Variants in CELSR2 observed in about 807,000 individuals in gnomAD.
The protein encoded by CELSR2 is cadherin EGF LAG seven-pass G-type receptor 2.
Under a neutral mutation model 251.6 loss-of-function variants are expected in CELSR2, and 81 were observed. The observed-to-expected ratio is 0.32, with a 90% CI of 0.27 to 0.39. CELSR2 has a LOEUF of 0.39. CELSR2 is among the 10% of genes least tolerant of loss of function. The probability of loss-of-function intolerance (pLI) is 1.00; values close to 1 mark genes in which losing one functional copy is unlikely to be tolerated. For synonymous variants in CELSR2, 1,721 were observed against 1,670.5 expected (o/e 1.03, Z -0.74); for missense variants, 3,365 against 3,947.7 (o/e 0.85, Z 3.96).
At chr1:109,264,789 G>A in intron 11 of CELSR2, 79 bp from the exon 12 acceptor site, 4 of 1,607,604 alleles carry the variant, frequency 2.5e-6, no homozygotes, top group Admixed American at 3.3e-5. Flanking sequence ...TATGTGGAAA[G>A]AAACAGATGA....
chr1:109,264,038 G>A (rs755928960), intron 9 of CELSR2, 40 bp from the exon 10 acceptor site: 24 of 1,538,884 alleles, frequency 1.6e-5, no homozygotes. Context: ...CAGTGATTAA[G>A]GCCGTCTGCT....
chr1:109,271,928 G>A (rs1656382382), intron 28 of CELSR2, among the ~76,000 whole-genome samples: 1 of 152,222 alleles, frequency 6.6e-6, no homozygotes, highest in South Asian at 2.1e-4. Flanking sequence ...ATGGGGCTGA[G>A]ACAGATAATC....
Position 109,258,584 on chromosome 1 carries a change from G to A in CELSR2, c.3463G>A (p.Ala1155Thr), listed in dbSNP as rs373701152. The A allele has an allele frequency of 4.4e-6, 7 of 1,595,654 alleles. No individual in the cohort carries two copies. Among genetic ancestry groups the A allele is most frequent in the African/African-American group, 2.7e-5 (2 of 74,724 alleles). Residue 1155 changes from alanine (A) to threonine (T), a missense_variant, in exon 2 of 34, where the codon GCC (alanine) becomes ACC (threonine). Ala to Thr is a moderately conservative substitution (Grantham distance 58). This residue lies in a region of CELSR2 where 505 missense variants were observed against 660.0 expected (regional missense o/e 0.77). Coordinates refer to ENST00000271332, the MANE Select transcript of CELSR2 (RefSeq NM_001408.3). ...AGGCCTCTTCATCCAGGCGGTGGCC[G>A]CCACGCTGGCCACGCCACCGGACCA... ...LLGLFIQAVA[A>T]TLATPPDHVV...
At position 109,266,198 on chromosome 1, in the gene CELSR2, G is replaced by C. The variant is rs746541428; in HGVS notation, c.6005G>C (p.Gly2002Ala). The change falls in exon 15 of 34, where the codon GGC becomes GCC. Residue 2002 changes from glycine to alanine, a missense_variant. This residue lies in a region of CELSR2 where 2,093 missense variants were observed against 2,382.8 expected (regional missense o/e 0.88). Transcript: ENST00000271332. ...GLPAAAPCPKGSFGTAVRHCD... is the reference protein window; with the variant it reads ...GLPAAAPCPKASFGTAVRHCD... ...CCTGCTGCTGCTCCCTGTCCCAAAG[G>C]CTCCTTTGGTAGGTGTTGGAGGCCC... 14 of 1,613,902 alleles carry C rather than the reference G, an allele frequency of 8.7e-6. No homozygotes were observed. The highest frequency in any genetic ancestry group is 1.7e-5 in the Admixed American group (1 of 59,998).
rs772069055 is a variant in CELSR2 at position 109,258,691 on chromosome 1, G to A, written c.3570G>A (p.Pro1190=). The A allele has an allele frequency of 1.3e-5, 20 of 1,547,734 alleles. No homozygotes were observed. The highest frequency in any genetic ancestry group is 2.7e-5 in the African/African-American group (2 of 72,940). Residue 1190 remains proline, a synonymous_variant, in exon 2 of 34, where the codon CCG becomes CCA. Transcript: ENST00000271332. ...ILNVSLSVGQ[P]PGPGGGPPFL... is the part of the protein sequence containing the mutation. ...ACGTGAGCCTGTCGGTGGGCCAGCC[G>A]CCAGGGCCCGGGGGCGGGCCGCCCT...
Position 109,250,104 on chromosome 1 carries a change from C to A in CELSR2, c.25C>A (p.Pro9Thr), listed in dbSNP as rs1475866603. ...GATGCGGAGCCCGGCCACCGGCGTC[C>A]CCCTCCCAACGCCGCCGCCGCCGCT... MRSPATGV[P>T]LPTPPPPLLL... The change falls in exon 1 of 34, where the codon CCC (proline) becomes ACC (threonine). Residue 9 changes from proline to threonine, a missense_variant. By Grantham distance (38) the Pro-to-Thr change is conservative (BLOSUM62 -1). Transcript: ENST00000271332. The surrounding 1 kb of genome is among the most constrained non-coding windows in gnomAD (Gnocchi z 4.4). 2 of 1,549,480 alleles carry A rather than the reference C, an allele frequency of 1.3e-6. No individual in the cohort carries two copies. Among genetic ancestry groups the A allele is most frequent in the East Asian group, 4.9e-5 (2 of 40,700 alleles).
At chr1:109,265,594 C>A in intron 13 of CELSR2, 141 bp from the exon 14 acceptor site, 1 of 1,027,772 alleles carries the variant, frequency 9.7e-7, no homozygotes, top group Non-Finnish European at 1.4e-6. Context: ...CAAAGCATTG[C>A]TAGTGTTAAT....
Position 109,258,806 on chromosome 1 carries a change from GACA to G in CELSR2, c.3689_3691del (p.Asn1230del). On this transcript the variant is annotated inframe_deletion, in exon 2 of 34. Transcript: ENST00000271332. ...GGCACAGCGCGTGCTGCCCTTCGAC[GACA>G]ACATCTGCCTGCGGGAGCCCTGCGA... 1 of 1,611,348 alleles carries G rather than the reference GACA, an allele frequency of 6.2e-7. No individual in the cohort carries two copies. The highest frequency in any genetic ancestry group is 8.5e-7 in the Non-Finnish European group (1 of 1,178,910).
chr1:109,270,717 T>C, intron 24 of CELSR2, 117 bp downstream of exon 24: 1 of 1,326,872 alleles, frequency 7.5e-7, no homozygotes, highest in Non-Finnish European at 1.0e-6. Context: ...CCAGGCCGCC[T>C]TATTCACAGG....
chr1:109,252,844 A>T lies in CELSR2; in HGVS notation c.2765A>T (p.Glu922Val), dbSNP rs1655735592. 1 of 1,613,900 alleles carries T rather than the reference A, an allele frequency of 6.2e-7. No homozygotes were observed. Among genetic ancestry groups the T allele is most frequent in the South Asian group, 1.1e-5 (1 of 91,060 alleles). The change falls in exon 1 of 34, where the codon GAG becomes GTG. Residue 922 changes from glutamate to valine, a missense_variant. By Grantham distance (121) the Glu-to-Val change is moderately radical. Transcript: ENST00000271332. This position sits in a 1 kb window ranked among gnomAD's most constrained non-coding sequence, Gnocchi z 4.8. Reference protein sequence around the residue: ...LDVNDNPPVFEQDEFDVFVEE... With the variant: ...LDVNDNPPVFVQDEFDVFVEE... ...GTGAATGACAATCCCCCTGTCTTTG[A>T]GCAGGATGAGTTTGATGTGTTTGTG...
rs1265571626 is a variant in CELSR2, at chr1:109,249,566, C to G, written c.-514C>G. Among the ~76,000 whole-genome samples the G allele has an allele frequency of 2.0e-5, 3 of 150,014 alleles. No homozygotes were observed. The highest frequency in any genetic ancestry group is 4.4e-5 in the Non-Finnish European group (3 of 67,458). On this transcript the variant is annotated 5_prime_UTR_variant, in exon 1 of 34. Transcript: ENST00000271332. ...AGAGCTCGCCCGCCCGCCGGGGAGG[C>G]GAGGGAGCGCGGGGCTGGGCCCGGG...
Position 109,273,567 on chromosome 1 carries a change from C to T in CELSR2, c.8641C>T (p.Arg2881Cys), listed in dbSNP as rs41279720. The T allele has an allele frequency of 0.026, 41,294 of 1,565,402 alleles. 627 individuals carry two copies. Among genetic ancestry groups the T allele is most frequent in the South Asian group, 0.033 (2,871 of 85,972 alleles). The change falls in exon 33 of 34, where the codon CGC becomes TGC. Residue 2881 changes from arginine (R) to cysteine (C), a missense_variant. Physicochemically the swap from Arg to Cys is radical, Grantham distance 180. Transcript: ENST00000271332. ...SEGSRGGPPP[R>C]PPPRQSLQEQ... ...GGGCAGCCGGGGAGGCCCCCCTCCC[C>T]GCCCACCGCCCCGGCAGAGCCTCCA... is the stretch of plus-strand genomic sequence containing the variant.
At position 109,271,483 on chromosome 1, in the gene CELSR2, T is replaced by C. The variant is rs1465652825; in HGVS notation, c.7774T>C (p.Tyr2592His). ...CAACAGCGACACCCTCCTCTTCCAC[T>C]ACCTCTTTGCTACCTGCAATTGCAT... Reference protein sequence around the residue: ...SVNSDTLLFHYLFATCNCIQG... With the variant: ...SVNSDTLLFHHLFATCNCIQG... The change falls in exon 27 of 34, where the codon TAC (tyrosine) becomes CAC (histidine). Residue 2592 changes from tyrosine (Y) to histidine (H), a missense_variant. This residue lies in a region of CELSR2 where 2,093 missense variants were observed against 2,382.8 expected (regional missense o/e 0.88). Transcript: ENST00000271332. 1.2e-6 allele frequency: 2 copies of C among 1,614,142 alleles called. No homozygotes were observed. The highest frequency in any genetic ancestry group is 1.7e-6 in the Non-Finnish European group (2 of 1,180,020).
rs746984203 is a variant in CELSR2 at position 109,253,196 on chromosome 1, C to T, written c.3117C>T (p.Ser1039=). Residue 1039 remains serine, a synonymous_variant, in exon 1 of 34, where the codon AGC becomes AGT. Transcript: ENST00000271332. ...ACAACTATGTCACCAATCGCTCAAGCAGCTTCCCTGGGGGTGCCATTGGCC... is the reference window on the plus strand; with the variant it reads ...ACAACTATGTCACCAATCGCTCAAGTAGCTTCCCTGGGGGTGCCATTGGCC... ...LFNNYVTNRS[S]SFPGGAIGRV... is the part of the protein sequence containing the mutation. 2.0e-5 allele frequency: 32 copies of T among 1,613,502 alleles called. No individual in the cohort carries two copies. The highest frequency in any genetic ancestry group is 2.6e-5 in the Non-Finnish European group (31 of 1,180,050).
At chr1:109,273,693 G>GT in intron 33 of CELSR2, 23 bp downstream of exon 33, 8 of 751,786 alleles carry the variant, frequency 1.1e-5, no homozygotes, top group South Asian at 1.8e-5. Context: ...GGGTGGGCGG[G>GT]ACGGGGTGCA....
At position 109,266,559 on chromosome 1, in the gene CELSR2, A is replaced by ATTTTTT. The variant is rs35994599; in HGVS notation, c.6013+373_6013+378dup. On this transcript the variant is annotated intron_variant, in intron 15 of 33. Transcript: ENST00000271332. Reference sequence around the variant, plus strand: ...CTCTGGCCGCCACCACACCTGGCTAATTTTTTTTTTTTTTTTTTTTTTTTT... The same window carrying ATTTTTT: ...CTCTGGCCGCCACCACACCTGGCTAATTTTTTTTTTTTTTTTTTTTTTTTTTTTTTT... The ATTTTTT allele has an allele frequency of 3.9e-3, 323 of 83,726 alleles. 7 individuals are homozygous for ATTTTTT. The highest frequency in any genetic ancestry group is 0.016 in the African/African-American group (285 of 17,838). 5.2% of individuals were successfully genotyped at this position (83,726 alleles called of 1,614,324 possible). A position where few individuals can be genotyped will look rare whatever the true frequency, so the allele number is the denominator to read the frequency against.
Position 109,272,659 on chromosome 1 carries a change from C to A in CELSR2, c.8074C>A (p.Pro2692Thr). 6.2e-7 allele frequency: 1 copy of A among 1,613,654 alleles called. No homozygotes were observed. The highest frequency in any genetic ancestry group is 8.5e-7 in the Non-Finnish European group (1 of 1,179,898). Residue 2692 changes from proline to threonine, a missense_variant, in exon 30 of 34, where the codon CCT becomes ACT. Transcript: ENST00000271332. ...FLLREESALN[P>T]GQGPPGLGDP... ...TCCTAGGGAGGAGTCCGCACTGAAC[C>A]CTGGCCAAGGGCCCCCTGGCCTGGG...
chr1:109,249,963 G>T lies in CELSR2; in HGVS notation c.-117G>T. The T allele has an allele frequency of 2.0e-6, 2 of 999,638 alleles. No individual in the cohort carries two copies. The highest frequency in any genetic ancestry group is 9.8e-5 in the South Asian group (2 of 20,350). The allele number at this position is 999,638 out of a possible 1,614,324, so 61.9% of individuals were successfully genotyped here. On this transcript the variant is annotated 5_prime_UTR_variant, in exon 1 of 34. Transcript: ENST00000271332. ...CAGACGCAGGCCCCGCGGGGCGCAC[G>T]GGAGGCCCCCGGGGACTGGCGCCCT...
rs72703203 is a variant in CELSR2 at position 109,267,578 on chromosome 1, G to A, written c.6044G>A (p.Arg2015Lys). The A allele has an allele frequency of 0.032, 51,858 of 1,614,026 alleles. 1,031 individuals carry two copies. The highest frequency in any genetic ancestry group is 0.04 in the Non-Finnish European group (46,674 of 1,179,928). The change falls in exon 16 of 34, where the codon AGG becomes AAG. Residue 2015 changes from arginine to lysine, a missense_variant. Physicochemically the swap from Arg to Lys is conservative, Grantham distance 26. Coordinates refer to ENST00000271332, the MANE Select transcript of CELSR2 (RefSeq NM_001408.3). ...GCTGTGCGCCACTGTGATGAGCACA[G>A]GGGGTGGCTCCCCCCAAACCTCTTC... The part of the protein sequence containing the change: ...GTAVRHCDEH[R>K]GWLPPNLFNC...
Sources: gnomAD v4.1 joint callset for allele counts (sites outside exome capture counted in the v4.1 genomes callset) on GRCh38, gnomAD v4.1.1 for gene constraint, gnomAD v4.1.1 regional missense constraint, Gnocchi (gnomAD v3.1) non-coding constraint, MANE v1.5 for transcripts, NCBI Gene and HGNC (gene_info 2026-07-23, HGNC 2026-07-21) for gene names.